The following EPHA4 variants were observed in gnomAD, a reference collection of about 807,000 sequenced individuals.
EPHA4 encodes EPH receptor A4, also known as ephrin type-A receptor 4.
In EPHA4, 19 loss-of-function variants were observed where a neutral mutation model predicts 108.3. The observed-to-expected ratio is 0.18, with a 90% CI of 0.12 to 0.26. EPHA4 has a LOEUF of 0.26. EPHA4 is among the 10% of genes least tolerant of loss of function. The probability of loss-of-function intolerance (pLI) is 1.00; values close to 1 mark genes in which losing one functional copy is unlikely to be tolerated. For synonymous variants in EPHA4, 449 were observed against 455.5 expected (o/e 0.99, Z 0.18); for missense variants, 917 against 1,254.0 (o/e 0.73, Z 4.06).
At chr2:221,449,761 T>A (rs1185511979) in intron 8 of EPHA4, among the ~76,000 whole-genome samples, 1 of 152,232 alleles carries the variant, frequency 6.6e-6, no homozygotes, top group Non-Finnish European at 1.5e-5. Context: ...ACTAAATTAC[T>A]AACTTTTCTG....
At chr2:221,494,410 C>A (rs561272340) in intron 4 of EPHA4, among the ~76,000 whole-genome samples, 1 of 152,306 alleles carries the variant, frequency 6.6e-6, no homozygotes, top group South Asian at 2.1e-4. Context: ...TCGAGACCAG[C>A]CTGGTCAACA....
At chr2:221,569,307 T>C (rs930520177) in intron 1 of EPHA4, 1 of 152,210 alleles carries the variant, frequency 6.6e-6, no homozygotes, top group Non-Finnish European at 1.5e-5. Flanking sequence ...AAGTAAATAG[T>C]CCCTGAATAT....
chr2:221,432,927 C>A (rs1457075229), intron 14 of EPHA4, among the ~76,000 whole-genome samples: 2 of 147,654 alleles, frequency 1.4e-5, no homozygotes, highest in Non-Finnish European at 3.0e-5. Context: ...TAGGTTCTAG[C>A]GATTCTCCTG....
intron 4 of EPHA4, among the ~76,000 whole-genome samples, chr2:221,496,778 G>A (rs1052445844): frequency 1.2e-4 from 18 of 152,140 alleles, no homozygotes; most frequent in South Asian, 4.2e-4. Context: ...ATGTGGTGGC[G>A]TGTGCCTGTA....
At chr2:221,433,615 C>T (rs28604473) in intron 14 of EPHA4, among the ~76,000 whole-genome samples, 55,701 of 151,776 alleles carry the variant, frequency 0.37, 10,443 homozygotes, top group African/African-American at 0.43. Flanking sequence ...GTGGATACTC[C>T]CTTACGAAGT....
At chr2:221,527,604 T>A (rs1295819739) in intron 3 of EPHA4, among the ~76,000 whole-genome samples, 4 of 152,174 alleles carry the variant, frequency 2.6e-5, no homozygotes, top group African/African-American at 7.2e-5. Flanking sequence ...TGCCCGACAC[T>A]GGGCAGTTAC....
chr2:221,485,948 CTTT>C (rs1691961711), intron 4 of EPHA4, among the ~76,000 whole-genome samples: 1 of 152,142 alleles, frequency 6.6e-6, no homozygotes, highest in Non-Finnish European at 1.5e-5. Flanking sequence ...TCTGAGCTCT[CTTT>C]TAATAAATAC....
At chr2:221,420,763 T>C (rs1689735425) in intron 17 of EPHA4, among the ~76,000 whole-genome samples, 1 of 152,058 alleles carries the variant, frequency 6.6e-6, no homozygotes, top group South Asian at 2.1e-4. Context: ...ACAGCTTAAT[T>C]ACAACTCCGA....
intron 3 of EPHA4, among the ~76,000 whole-genome samples, chr2:221,552,745 A>T (rs901388012): frequency 6.6e-6 from 1 of 152,216 alleles, no homozygotes; most frequent in African/African-American, 2.4e-5. Context: ...CAAACAGGAT[A>T]GCTAATATGT....
At chr2:221,428,871 G>C (rs1384270258) in intron 15 of EPHA4, among the ~76,000 whole-genome samples, 1 of 152,140 alleles carries the variant, frequency 6.6e-6, no homozygotes, top group Non-Finnish European at 1.5e-5. Context: ...AGAATATAGG[G>C]TATCTCTACT....
intron 5 of EPHA4, among the ~76,000 whole-genome samples, chr2:221,468,580 T>C (rs1691388130): frequency 6.6e-6 from 1 of 152,202 alleles, no homozygotes; most frequent in South Asian, 2.1e-4. Context: ...GTCCAAAGCA[T>C]CTAGATCAGT....
intron 3 of EPHA4, among the ~76,000 whole-genome samples, chr2:221,556,664 A>T (rs944978154): frequency 3.3e-5 from 5 of 151,770 alleles, no homozygotes; most frequent in Non-Finnish European, 7.4e-5. Context: ...ATTCTTTTAC[A>T]GTAGTCTCCT....
At chr2:221,475,328 C>T (rs1264234164) in intron 5 of EPHA4, among the ~76,000 whole-genome samples, 1 of 152,130 alleles carries the variant, frequency 6.6e-6, no homozygotes, top group Non-Finnish European at 1.5e-5. Flanking sequence ...ATTTGTGGTT[C>T]AAGAAAGCAA....
chr2:221,498,795 T>C (rs1017737850), intron 4 of EPHA4, among the ~76,000 whole-genome samples: 5 of 87,496 alleles, frequency 5.7e-5, no homozygotes, highest in Admixed American at 1.3e-4. Flanking sequence ...TTTTTCTTTT[T>C]TTTTTTTTTT....
At chr2:221,535,173 C>G (rs1693631144) in intron 3 of EPHA4, among the ~76,000 whole-genome samples, 1 of 152,178 alleles carries the variant, frequency 6.6e-6, no homozygotes, top group African/African-American at 2.4e-5. Flanking sequence ...GGGCAATACA[C>G]AAGTTTACCT....
chr2:221,465,214 T>C (rs1271155207), intron 5 of EPHA4, among the ~76,000 whole-genome samples: 1 of 152,194 alleles, frequency 6.6e-6, no homozygotes, highest in East Asian at 1.9e-4. Flanking sequence ...TGGAACACTA[T>C]AAATACTTGA....
At chr2:221,479,320 G>A (rs1359632081) in intron 5 of EPHA4, among the ~76,000 whole-genome samples, 1 of 152,166 alleles carries the variant, frequency 6.6e-6, no homozygotes, top group Non-Finnish European at 1.5e-5. Context: ...AGTCTCAAAG[G>A]TGGTGAACAT....
upstream of EPHA4, chr2:221,573,073 C>G (rs1055410986): frequency 1.9e-5 from 2 of 105,954 alleles, no homozygotes; most frequent in African/African-American, 7.5e-5. The surrounding 1 kb of genome is among the most constrained non-coding windows in gnomAD (Gnocchi z 4.5). Flanking sequence ...GGGCCCAGGA[C>G]GCCCCGAGAT....
chr2:221,471,146 A>T (rs1399633002), intron 5 of EPHA4, among the ~76,000 whole-genome samples: 6 of 152,162 alleles, frequency 3.9e-5, no homozygotes, highest in Non-Finnish European at 5.9e-5. Flanking sequence ...TTGAGAATTG[A>T]GAATTGAGAT....
Sources: gnomAD v4.1 joint callset for allele counts (sites outside exome capture counted in the v4.1 genomes callset) on GRCh38, gnomAD v4.1.1 for gene constraint, Gnocchi (gnomAD v3.1) non-coding constraint, MANE v1.5 for transcripts, NCBI Gene and HGNC (gene_info 2026-07-23, HGNC 2026-07-21) for gene names.